Variants in SMARCC1 observed in about 807,000 individuals in gnomAD.
The protein encoded by SMARCC1 is SWI/SNF complex subunit SMARCC1.
Under a neutral mutation model 147.4 loss-of-function variants are expected in SMARCC1, and 43 were observed. That is an observed-to-expected ratio of 0.29 (90% confidence interval 0.23 to 0.38). The LOEUF (loss-of-function observed/expected upper bound fraction) is 0.38, where lower values mean the gene tolerates loss of function less well. Among genes scored for constraint, SMARCC1 ranks in the 10% least tolerant of loss-of-function variants. The pLI, the probability that SMARCC1 is intolerant of heterozygous loss-of-function variation, is 1.00. For synonymous variants in SMARCC1, 495 were observed against 484.4 expected, an observed-to-expected ratio of 1.02 and a Z score of -0.29; for missense variants, 1,119 against 1,381.1, an observed-to-expected ratio of 0.81 and a Z score of 3.01.
chr3:47,705,862 G>A (rs1295651488), intron 10 of SMARCC1, among the ~76,000 whole-genome samples: 1 of 152,042 alleles, frequency 6.6e-6, no homozygotes, highest in Non-Finnish European at 1.5e-5. Flanking sequence ...TTAAAGCCAG[G>A]CAATGTGCAA....
intron 6 of SMARCC1, among the ~76,000 whole-genome samples, chr3:47,724,263 T>C (rs1229593061): frequency 2.0e-5 from 3 of 152,006 alleles, no homozygotes; most frequent in Non-Finnish European, 4.4e-5. Context: ...AACCTAAATA[T>C]CCATCTAAGT....
chr3:47,692,684 G>A (rs941593671), intron 12 of SMARCC1, among the ~76,000 whole-genome samples: 6 of 152,042 alleles, frequency 3.9e-5, no homozygotes, highest in Admixed American at 2.6e-4. Context: ...CTAAGAATAA[G>A]CCACAGCTAA....
intron 11 of SMARCC1, among the ~76,000 whole-genome samples, chr3:47,699,505 T>G (rs184265350): frequency 6.6e-6 from 1 of 152,210 alleles, no homozygotes; most frequent in East Asian, 1.9e-4. Context: ...CCTAGTATTC[T>G]TAACTGCCCT....
intron 26 of SMARCC1, 147 bp downstream of exon 26, chr3:47,609,919 A>ATC: frequency 2.4e-6 from 2 of 843,354 alleles, no homozygotes; most frequent in Non-Finnish European, 3.6e-6. Flanking sequence ...ATAACCCTAA[A>ATC]TCTCACATGC....
chr3:47,611,284 T>C (rs2032560218), intron 25 of SMARCC1, among the ~76,000 whole-genome samples: 1 of 152,356 alleles, frequency 6.6e-6, no homozygotes, highest in South Asian at 2.1e-4. Context: ...TCACTGGGAA[T>C]CATTTTCTAG....
chr3:47,720,704 C>G lies in SMARCC1; in HGVS notation c.678G>C (p.Glu226Asp), dbSNP rs2034221942. 1 of 1,613,042 alleles carries G rather than the reference C, an allele frequency of 6.2e-7. No individual in the cohort carries two copies. The highest frequency in any genetic ancestry group is 1.7e-5 in the Admixed American group (1 of 59,966). Residue 226 changes from glutamate (E) to aspartate (D), a missense_variant, in exon 7 of 28, where the codon GAG becomes GAC. Around this residue, in one of 6 missense-constraint regions of SMARCC1, gnomAD observed 542 missense variants for 611.8 expected, o/e 0.89. Coordinates refer to ENST00000254480, the MANE Select transcript of SMARCC1 (RefSeq NM_003074.4). ...AGCCCCAATGCACTAACACTTGCTT[C>G]TCTTTTCTCATCACCGGTCTCAACC... ...EEWLRPVMRK[E>D]KQVLVHWGFY... is the part of the protein sequence containing the mutation.
chr3:47,707,026 C>T (rs895112017), intron 9 of SMARCC1, among the ~76,000 whole-genome samples: 1 of 152,128 alleles, frequency 6.6e-6, no homozygotes, highest in African/African-American at 2.4e-5. Context: ...AAGTCAATGT[C>T]TAGGCTGGGT....
At chr3:47,737,679 G>A (rs1447745435) in intron 4 of SMARCC1, among the ~76,000 whole-genome samples, 2 of 151,708 alleles carry the variant, frequency 1.3e-5, no homozygotes, top group Admixed American at 6.6e-5. Flanking sequence ...TGTTTGAGAC[G>A]GAGTCTCGCT....
At chr3:47,609,878 A>T (rs1443696767) in intron 26 of SMARCC1, among the ~76,000 whole-genome samples, 188 bp downstream of exon 26, 3 of 152,248 alleles carry the variant, frequency 2.0e-5, no homozygotes, top group East Asian at 3.8e-4. Context: ...TCATACCAAG[A>T]GAAAAAGAAC....
At chr3:47,714,544 G>C (rs1225743302) in intron 7 of SMARCC1, 54 bp from the exon 8 acceptor site, 2 of 885,414 alleles carry the variant, frequency 2.3e-6, no homozygotes, top group Non-Finnish European at 3.6e-6. Flanking sequence ...TAATTCATTA[G>C]AAAGACTTTT....
At position 47,689,439 on chromosome 3, in the gene SMARCC1, C is replaced by T; in HGVS notation, c.1226-15G>A. 1.2e-6 allele frequency: 2 copies of T among 1,608,610 alleles called. No homozygotes were observed. Among genetic ancestry groups the T allele is most frequent in the Non-Finnish European group, 1.7e-6 (2 of 1,175,022 alleles). ...ATCCTGCTCATCTGCAAAACCAAAA[C>T]ACACAATTCATTTTAAAAACAGGTA... On this transcript the variant is annotated splice_polypyrimidine_tract_variant and intron_variant, in intron 12 of 27. Coordinates refer to ENST00000254480, the MANE Select transcript of SMARCC1 (RefSeq NM_003074.4).
chr3:47,752,828 T>C (rs1435996026), intron 2 of SMARCC1, among the ~76,000 whole-genome samples: 1 of 151,874 alleles, frequency 6.6e-6, no homozygotes, highest in Non-Finnish European at 1.5e-5. Flanking sequence ...CTTATATGAG[T>C]ATCTCAACAG....
At chr3:47,731,111 T>C (rs1028620766) in intron 5 of SMARCC1, among the ~76,000 whole-genome samples, 9 of 152,216 alleles carry the variant, frequency 5.9e-5, no homozygotes, top group Non-Finnish European at 1.0e-4. Flanking sequence ...GCAGAATTTC[T>C]TTCAAAACCC....
intron 26 of SMARCC1, among the ~76,000 whole-genome samples, chr3:47,596,370 C>T (rs1406763981): frequency 6.6e-6 from 1 of 151,966 alleles, no homozygotes; most frequent in Non-Finnish European, 1.5e-5. Flanking sequence ...GAGTTCAAGA[C>T]CAGCCCGGCC....
chr3:47,614,709 G>C (rs2106675659), intron 25 of SMARCC1, among the ~76,000 whole-genome samples: 1 of 152,200 alleles, frequency 6.6e-6, no homozygotes, highest in Non-Finnish European at 1.5e-5. Context: ...TCCACACCAA[G>C]TCTCCCTGAT....
intron 21 of SMARCC1, among the ~76,000 whole-genome samples, chr3:47,651,596 C>T (rs1192776337): frequency 6.6e-6 from 1 of 152,204 alleles, no homozygotes; most frequent in African/African-American, 2.4e-5. Context: ...TTATTTACAT[C>T]TTTGCTCAAA....
At chr3:47,604,041 G>A (rs2032428567) in intron 26 of SMARCC1, 1 of 456,666 alleles carries the variant, frequency 2.2e-6, no homozygotes, top group Non-Finnish European at 4.4e-6. Flanking sequence ...TCAAAGGTAG[G>A]GGACAGGGCA....
In SMARCC1 at chr3:47,663,930, C is replaced by T. The variant is rs1228662287; in HGVS notation, c.1900-1338G>A. On this transcript the variant is annotated intron_variant, in intron 19 of 27. Coordinates refer to ENST00000254480, the MANE Select transcript of SMARCC1 (RefSeq NM_003074.4). ...GCTGTCACCGCTATGAAGTCTCAAC[C>T]CTGAGCCCAGGGTCTGGCTTTGAAA... 3 of 1,405,196 alleles carry T rather than the reference C, an allele frequency of 2.1e-6. No individual in the cohort carries two copies. In the African/African-American group the frequency reaches 4.3e-5, roughly 20 times the overall value. 87.0% of individuals were successfully genotyped at this position (1,405,196 alleles called of 1,614,324 possible).
At chr3:47,761,576 C>A (rs1004754211) in intron 2 of SMARCC1, among the ~76,000 whole-genome samples, 10 of 151,852 alleles carry the variant, frequency 6.6e-5, no homozygotes, top group African/African-American at 2.4e-4. Flanking sequence ...CTAGATTGGA[C>A]CTGATGGATG....
Sources: allele counts gnomAD v4.1 joint callset (sites outside exome capture counted in the v4.1 genomes callset), GRCh38; gene constraint gnomAD v4.1.1; regional missense constraint gnomAD v4.1.1; transcripts MANE v1.5; gene names NCBI Gene and HGNC (gene_info 2026-07-23, HGNC 2026-07-21).